OR2T12: variants seen among roughly 807,000 people sequenced by gnomAD.
OR2T12 encodes olfactory receptor family 2 subfamily T member 12, also known as olfactory receptor 2T12.
For missense variants in OR2T12, 335 were observed against 404.3 expected (o/e 0.83, Z 1.47); for synonymous variants, 127 against 160.5 (o/e 0.79, Z 1.58).
rs572219392 is a variant in OR2T12 at position 248,294,019 on chromosome 1, A to C, written c.*597T>G. 2 of 152,304 alleles carry C rather than the reference A, an allele frequency of 1.3e-5. No homozygotes were observed. The highest frequency in any genetic ancestry group is 4.1e-4 in the South Asian group (2 of 4,832). The allele number at this position is 152,304 out of a possible 1,614,324, so 9.4% of individuals were successfully genotyped here. A position where few individuals can be genotyped will look rare whatever the true frequency, so the allele number is the denominator to read the frequency against. On this transcript the variant is annotated 3_prime_UTR_variant, in exon 3 of 3. Transcript: ENST00000641276. ...TCTATATTTTAAAATATAACTTAAAAATAATGTTATTTGTCTTTGGTGGAG... is the reference window on the plus strand; with the variant it reads ...TCTATATTTTAAAATATAACTTAAACATAATGTTATTTGTCTTTGGTGGAG...
Position 248,295,071 on chromosome 1 carries a change from G to C in OR2T12, c.508C>G (p.His170Asp). Residue 170 changes from histidine (H) to aspartate (D), a missense_variant, in exon 3 of 3, where the codon CAC (histidine) becomes GAC (aspartate). Transcript: ENST00000641276. ...ATLSFPYCGAHEIDHFFCEAP... is the reference protein window; with the variant it reads ...ATLSFPYCGADEIDHFFCEAP... ...TCGCAGAAGAAGTGATCGATCTCGT[G>C]TGCACCGCAATATGGGAAGCTCAGG... 6.2e-7 allele frequency: 1 copy of C among 1,609,310 alleles called. No homozygotes were observed. The highest frequency in any genetic ancestry group is 8.5e-7 in the Non-Finnish European group (1 of 1,179,402).
chr1:248,301,059 T>C (rs1175707885), intron 2 of OR2T12, among the ~76,000 whole-genome samples: 4 of 152,130 alleles, frequency 2.6e-5, no homozygotes, highest in Non-Finnish European at 5.9e-5. Context: ...TTTATATAAA[T>C]GCACTCTTAT....
rs766422540 is a variant in OR2T12 at position 248,290,577 on chromosome 1, G to A, written c.*4039C>T. On this transcript the variant is annotated 3_prime_UTR_variant, in exon 3 of 3. Coordinates refer to ENST00000641276, the MANE Select transcript of OR2T12 (RefSeq NM_001004692.2). ...TTAAAATCCTTTGGGTATATACCCA[G>A]AAATGGGATTTCTGGGTCAAATGGC... 1 of 152,130 alleles carries A rather than the reference G, an allele frequency of 6.6e-6. No homozygotes were observed. The highest frequency in any genetic ancestry group is 2.4e-5 in the African/African-American group (1 of 41,418). The allele number at this position is 152,130 out of a possible 1,614,324, so 9.4% of individuals were successfully genotyped here.
At chr1:248,296,464 CCCA>C (rs1659730072) in intron 2 of OR2T12, among the ~76,000 whole-genome samples, 1 of 152,162 alleles carries the variant, frequency 6.6e-6, no homozygotes, top group Non-Finnish European at 1.5e-5. Context: ...AGTTTACAGC[CCCA>C]CCAACAGTGT....
chr1:248,296,214 A>G (rs909679232), intron 2 of OR2T12, among the ~76,000 whole-genome samples: 28 of 152,284 alleles, frequency 1.8e-4, no homozygotes, highest in African/African-American at 6.7e-4. Flanking sequence ...ATAGTATTCC[A>G]TGGTGTATAT....
chr1:248,297,810 A>C (rs930324996), intron 2 of OR2T12, among the ~76,000 whole-genome samples: 1 of 148,440 alleles, frequency 6.7e-6, no homozygotes, highest in Admixed American at 6.7e-5. Flanking sequence ...GGACAATTTG[A>C]CTTCCTCTTT....
rs551437432 is a variant in OR2T12, at chr1:248,296,554, G to A, written c.-8-968C>T. ...TTTTTAATGATTGCCATTCTAACTG[G>A]TGTGAGATGATATCTCATTGTGGTT... On this transcript the variant is annotated intron_variant, in intron 2 of 2. Coordinates refer to ENST00000641276, the MANE Select transcript of OR2T12 (RefSeq NM_001004692.2). Among the ~76,000 whole-genome samples, 4 of 152,176 alleles carry A rather than the reference G, an allele frequency of 2.6e-5. No homozygotes were observed. The South Asian group carries it at 8.3e-4, about 32-fold the overall frequency.
intron 1 of OR2T12, 88 bp downstream of exon 1, chr1:248,303,258 A>C (rs1443458177): frequency 1.3e-5 from 2 of 152,180 alleles, no homozygotes; most frequent in Non-Finnish European, 2.9e-5. Context: ...ACCAAAAATG[A>C]TTAAGAAATG....
rs1659810686 is a variant in OR2T12, at chr1:248,301,500, A to T, written c.-136T>A. ...GAGGTATTTGTATATATTCCTATAA[A>T]AATGGATCTGTGGTGAAATATCATT... On this transcript the variant is annotated 5_prime_UTR_variant, in exon 2 of 3. Transcript: ENST00000641276. 6.6e-6 allele frequency: 1 copy of T among 152,048 alleles called. No homozygotes were observed. Among genetic ancestry groups the T allele is most frequent in the Non-Finnish European group, 1.5e-5 (1 of 67,944 alleles). The allele number at this position is 152,048 out of a possible 1,614,324, so 9.4% of individuals were successfully genotyped here. A position where few individuals can be genotyped will look rare whatever the true frequency, so the allele number is the denominator to read the frequency against.
intron 2 of OR2T12, among the ~76,000 whole-genome samples, chr1:248,297,316 A>G (rs1426883736): frequency 6.6e-6 from 1 of 152,088 alleles, no homozygotes; most frequent in Non-Finnish European, 1.5e-5. Flanking sequence ...CTTTTCGCTT[A>G]GGATTGACTT....
Position 248,290,561 on chromosome 1 carries a change from T to C in OR2T12, c.*4055A>G, listed in dbSNP as rs568580249. The C allele has an allele frequency of 6.6e-6, 1 of 152,304 alleles. No homozygotes were observed. Among genetic ancestry groups the C allele is most frequent in the East Asian group, 1.9e-4 (1 of 5,190 alleles). The allele number at this position is 152,304 out of a possible 1,614,324, so 9.4% of individuals were successfully genotyped here. A position where few individuals can be genotyped will look rare whatever the true frequency, so the allele number is the denominator to read the frequency against. On this transcript the variant is annotated 3_prime_UTR_variant, in exon 3 of 3. Transcript: ENST00000641276. ...TTTTTAGTGGAATGATTTAAAATCC[T>C]TTGGGTATATACCCAGAAATGGGAT...
At chr1:248,300,709 C>G (rs1234910006) in intron 2 of OR2T12, among the ~76,000 whole-genome samples, 9 of 152,090 alleles carry the variant, frequency 5.9e-5, no homozygotes, top group African/African-American at 1.7e-4. Context: ...TTGTAATACA[C>G]AATTTATCCA....
intron 2 of OR2T12, among the ~76,000 whole-genome samples, chr1:248,297,053 G>C (rs1039531325): frequency 3.9e-5 from 6 of 152,132 alleles, no homozygotes; most frequent in African/African-American, 1.2e-4. Context: ...AAGGGATCCA[G>C]CTTCAGCTTT....
At chr1:248,295,981 T>C (rs968727587) in intron 2 of OR2T12, among the ~76,000 whole-genome samples, 1 of 151,804 alleles carries the variant, frequency 6.6e-6, no homozygotes, top group Non-Finnish European at 1.5e-5. Context: ...ATTAGGTGTA[T>C]CTCCCAGTGC....
chr1:248,295,141 G>C lies in OR2T12; in HGVS notation c.438C>G (p.Ser146=), dbSNP rs141434381. Residue 146 remains serine (S), a synonymous_variant, in exon 3 of 3, where the codon TCC becomes TCG. Transcript: ENST00000641276. The part of the protein sequence containing the change: ...WQLCLRMTMS[S]WLLGAADGLL... ...GGCCGTCAGCTGCACCCAGGAGCCA[G>C]GACGACATGGTCATCCTCAGGCACA... is the stretch of plus-strand genomic sequence containing the variant. 1 of 1,545,674 alleles carries C rather than the reference G, an allele frequency of 6.5e-7. No homozygotes were observed. The highest frequency in any genetic ancestry group is 1.6e-5 in the African/African-American group (1 of 62,592).
In OR2T12 at chr1:248,295,838, AT is replaced by A. The variant is rs954963759; in HGVS notation, c.-8-253del. ...TATTTACAGATCAAAATGAATAAAA[AT>A]TTTTTTTTTAGTTTTGTTATTTTTT... On this transcript the variant is annotated intron_variant, in intron 2 of 2. Transcript: ENST00000641276. Among the ~76,000 whole-genome samples, 620 of 150,678 alleles carry A rather than the reference AT, an allele frequency of 4.1e-3. 3 individuals carry two copies. The highest frequency in any genetic ancestry group is 0.014 in the African/African-American group (592 of 41,092).
Position 248,295,180 on chromosome 1 carries a change from G to C in OR2T12, c.399C>G (p.Leu133=). Residue 133 remains leucine (L), a synonymous_variant, in exon 3 of 3, where the codon CTC becomes CTG. Transcript: ENST00000641276. ...TCCTCAGGCACAGCTGCCAGCTCAT[G>C]AGAGTGGGATATCGGAGTGGGTGGC... ...AVCHPLRYPT[L]MSWQLCLRMT... is the part of the protein sequence containing the mutation. 1 of 1,609,512 alleles carries C rather than the reference G, an allele frequency of 6.2e-7. No individual in the cohort carries two copies. The highest frequency in any genetic ancestry group is 8.5e-7 in the Non-Finnish European group (1 of 1,179,426).
At chr1:248,302,041 A>T (rs949325961) in intron 1 of OR2T12, among the ~76,000 whole-genome samples, 97 of 135,020 alleles carry the variant, frequency 7.2e-4, no homozygotes, top group African/African-American at 3.2e-3. Context: ...GAACTTGATA[A>T]AAAAAAAAAA....
In OR2T12 at chr1:248,294,362, GA is replaced by G. The variant is rs944438820; in HGVS notation, c.*253del. 2.7e-6 allele frequency: 1 copy of G among 370,064 alleles called. No homozygotes were observed. Among genetic ancestry groups the G allele is most frequent in the Non-Finnish European group, 4.7e-6 (1 of 213,094 alleles). 22.9% of individuals were successfully genotyped at this position (370,064 alleles called of 1,614,324 possible). ...TTTTAAAGATTTGGAGTTTGCAAAA[GA>G]AAAAAAGAAAACTTATATCATGGGG... On this transcript the variant is annotated 3_prime_UTR_variant, in exon 3 of 3. Coordinates refer to ENST00000641276, the MANE Select transcript of OR2T12 (RefSeq NM_001004692.2).
Sources: allele counts gnomAD v4.1 joint callset (sites outside exome capture counted in the v4.1 genomes callset), GRCh38; gene constraint gnomAD v4.1.1; transcripts MANE v1.5; gene names NCBI Gene and HGNC (gene_info 2026-07-23, HGNC 2026-07-21).